FGFR2: variants seen among roughly 807,000 people sequenced by gnomAD.
The protein encoded by FGFR2 is BEK fibroblast growth factor receptor.
Under a neutral mutation model 95.9 loss-of-function variants are expected in FGFR2, and 19 were observed. That is an observed-to-expected ratio of 0.20 (90% CI 0.14 to 0.29). The LOEUF (loss-of-function observed/expected upper bound fraction) is 0.29. FGFR2 is among the 10% of genes least tolerant of loss of function. The pLI, the probability that FGFR2 is intolerant of heterozygous loss-of-function variation, is 1.00. For synonymous variants in FGFR2, 392 were observed against 393.3 expected (o/e 1.00, Z 0.04); for missense variants, 707 against 1,056.9 (o/e 0.67, Z 4.59).
In FGFR2 at chr10:121,584,983, A is replaced by C. The variant is rs1861611363; in HGVS notation, c.109+8726T>G. On this transcript the variant is annotated intron_variant, in intron 2 of 17. Coordinates refer to ENST00000358487, the MANE Select transcript of FGFR2 (RefSeq NM_000141.5). ...CCCTCTCCATCCCGCACCCCACCCC[A>C]ACCGATTCCATAACCCCTCTCCAAT... Among the ~76,000 whole-genome samples the C allele has an allele frequency of 1.6e-5, 2 of 124,546 alleles. 1 individual carries two copies. 81.7% of individuals were successfully genotyped at this position (124,546 alleles called of 152,430 possible).
In FGFR2 at chr10:121,488,111, A is replaced by G. The variant is rs369637667; in HGVS notation, c.1866T>C (p.Cys622=). The change falls in exon 14 of 18, where the codon TGT becomes TGC. Residue 622 remains cysteine (C), a splice_region_variant and synonymous_variant. Transcript: ENST00000358487. The stretch of plus-strand genomic sequence containing the variant: ...TTCTGGCTGCTAAATCTCGATGAAT[A>G]CACTGAAATCAAGAAAGAAGCAAGA... ...RGMEYLASQK[C]IHRDLAARNV... 4.3e-6 allele frequency: 7 copies of G among 1,614,014 alleles called. No individual in the cohort carries two copies. The highest frequency in any genetic ancestry group is 3.3e-5 in the South Asian group (3 of 91,094).
chr10:121,557,671 T>A (rs11814493), intron 4 of FGFR2, among the ~76,000 whole-genome samples: 2 of 152,068 alleles, frequency 1.3e-5, no homozygotes, highest in African/African-American at 4.8e-5. Context: ...AAAGCCTGTG[T>A]GGGTTTTTTG....
intron 9 of FGFR2, among the ~76,000 whole-genome samples, chr10:121,504,184 C>G (rs756398605): frequency 5.3e-5 from 8 of 152,196 alleles, no homozygotes; most frequent in Non-Finnish European, 1.0e-4. Flanking sequence ...TTTTTCTATA[C>G]CATCTGATCA....
At chr10:121,582,116 G>A (rs760823557) in intron 2 of FGFR2, among the ~76,000 whole-genome samples, 1 of 151,936 alleles carries the variant, frequency 6.6e-6, no homozygotes, top group Non-Finnish European at 1.5e-5. Flanking sequence ...ATTTTTAGTA[G>A]AGACCACGTT....
chr10:121,504,727 G>A (rs1848055935), intron 9 of FGFR2, among the ~76,000 whole-genome samples: 1 of 152,294 alleles, frequency 6.6e-6, no homozygotes, highest in East Asian at 1.9e-4. Context: ...GCAGTACACA[G>A]GGCTCCACCG....
rs1262068931 is a variant in FGFR2, at chr10:121,500,847, C to T, written c.1540G>A (p.Val514Met). Residue 514 changes from valine to methionine, a missense_variant, in exon 11 of 18, where the codon GTG becomes ATG. Coordinates refer to ENST00000358487, the MANE Select transcript of FGFR2 (RefSeq NM_000141.5). ...TCACCTTTCAACATCTTCACGGCCA[C>T]GGTGACCGCCTCCTTGGGCTTGTCT... ...DKDKPKEAVT[V>M]AVKMLKDDAT... 1 of 1,614,178 alleles carries T rather than the reference C, an allele frequency of 6.2e-7. No homozygotes were observed. The highest frequency in any genetic ancestry group is 2.2e-5 in the East Asian group (1 of 44,864).
chr10:121,567,484 T>C (rs947704924), intron 2 of FGFR2, among the ~76,000 whole-genome samples: 9 of 152,362 alleles, frequency 5.9e-5, no homozygotes, highest in African/African-American at 4.8e-5. Context: ...ATGTCTACTA[T>C]ACAACAAGCC....
chr10:121,517,296 CAGAG>C lies in FGFR2; in HGVS notation c.1084+19_1084+22del, dbSNP rs1849808573. On this transcript the variant is annotated intron_variant, in intron 8 of 17. Coordinates refer to ENST00000358487, the MANE Select transcript of FGFR2 (RefSeq NM_000141.5). This position sits in a 1 kb window ranked among gnomAD's most constrained non-coding sequence, Gnocchi z 4.7. Reference sequence around the variant, plus strand: ...TCAACCAAGAAAAGGGAAAAAAACCCAGAGAGAAAGAACAGTATATACCTGGCAG... The same window carrying C: ...TCAACCAAGAAAAGGGAAAAAAACCCAGAAAGAACAGTATATACCTGGCAG... 4 of 1,613,912 alleles carry C rather than the reference CAGAG, an allele frequency of 2.5e-6. No homozygotes were observed. The highest frequency in any genetic ancestry group is 3.4e-6 in the Non-Finnish European group (4 of 1,179,902).
In FGFR2 at chr10:121,503,845, C is replaced by G. The variant is rs756855939; in HGVS notation, c.1384G>C (p.Gly462Arg). Reference sequence around the variant, plus strand: ...TCTGGAAGTTCATACTCGGAGACCCCTGCCAGCATGGGGGTGTCTGCCGTT... The same window carrying G: ...TCTGGAAGTTCATACTCGGAGACCCGTGCCAGCATGGGGGTGTCTGCCGTT... ...SSTADTPMLA[G>R]VSEYELPEDP... The change falls in exon 10 of 18, where the codon GGG becomes CGG. Residue 462 changes from glycine to arginine, a missense_variant. By Grantham distance (125) the Gly-to-Arg change is moderately radical. Around this residue, in one of 7 missense-constraint regions of FGFR2, gnomAD observed 194 missense variants for 267.3 expected, o/e 0.73. Transcript: ENST00000358487. 3.1e-6 allele frequency: 5 copies of G among 1,614,178 alleles called. No homozygotes were observed. The South Asian group carries it at 5.5e-5, about 18-fold the overall frequency.
At chr10:121,562,088 A>C (rs1857065368) in intron 4 of FGFR2, among the ~76,000 whole-genome samples, 1 of 152,208 alleles carries the variant, frequency 6.6e-6, no homozygotes, top group Non-Finnish European at 1.5e-5. Context: ...GTGGGAATAC[A>C]AAATGGTGCA....
intron 4 of FGFR2, among the ~76,000 whole-genome samples, chr10:121,555,225 T>C (rs181274216): frequency 6.6e-6 from 1 of 152,066 alleles, no homozygotes; most frequent in Non-Finnish European, 1.5e-5. Context: ...ATGCAAAAAT[T>C]AGCTGGACAT....
At chr10:121,570,425 G>A (rs1034096996) in intron 2 of FGFR2, among the ~76,000 whole-genome samples, 1 of 152,200 alleles carries the variant, frequency 6.6e-6, no homozygotes, top group Non-Finnish European at 1.5e-5. Context: ...CACCCCCCAT[G>A]GATGGACAAC....
intron 7 of FGFR2, among the ~76,000 whole-genome samples, chr10:121,519,036 G>A (rs756613293): frequency 2.0e-5 from 3 of 152,324 alleles, no homozygotes; most frequent in South Asian, 4.1e-4. Flanking sequence ...GGGTGTGAGC[G>A]ATAGCTAACT....
intron 9 of FGFR2, among the ~76,000 whole-genome samples, chr10:121,509,469 A>G (rs1435528438): frequency 1.2e-5 from 1 of 80,862 alleles, no homozygotes; most frequent in Admixed American, 1.1e-4. Context: ...AAACAGTGTT[A>G]TCTGTTTCTT....
At chr10:121,532,597 TCCGCCGTG>T (rs1357739761) in intron 6 of FGFR2, among the ~76,000 whole-genome samples, 1 of 152,162 alleles carries the variant, frequency 6.6e-6, no homozygotes, top group Non-Finnish European at 1.5e-5. Context: ...TTTGAGGGAC[TCCGCCGTG>T]CCTCCGTCCC....
intron 2 of FGFR2, among the ~76,000 whole-genome samples, chr10:121,590,361 G>T (rs1862454732): frequency 6.6e-6 from 1 of 152,124 alleles, no homozygotes; most frequent in Non-Finnish European, 1.5e-5. Flanking sequence ...CCCTCTCAGG[G>T]TAATCAAGCT....
At position 121,515,165 on chromosome 10, in the gene FGFR2, C is replaced by T. The variant is rs147674677; in HGVS notation, c.1239G>A (p.Pro413=). The T allele has an allele frequency of 3.8e-5, 61 of 1,614,150 alleles. No homozygotes were observed. The highest frequency in any genetic ancestry group is 2.2e-4 in the East Asian group (10 of 44,876). Residue 413 remains proline, a synonymous_variant, in exon 9 of 18, where the codon CCG becomes CCA. Transcript: ENST00000358487. ...TACGTTTGGTCAGCTTGTGCACAGC[C>T]GGCTGGCTGCTGAAGTCTGGCTTCT... The part of the protein sequence containing the change: ...TTKKPDFSSQ[P]AVHKLTKRIP...
intron 13 of FGFR2, among the ~76,000 whole-genome samples, chr10:121,495,598 G>T (rs994236168): frequency 2.0e-5 from 3 of 152,180 alleles, no homozygotes; most frequent in African/African-American, 7.2e-5. Context: ...GCCATCCCTC[G>T]AATCTCTGCA....
At position 121,485,665 on chromosome 10, in the gene FGFR2, T is replaced by C; in HGVS notation, c.2058-133A>G. On this transcript the variant is annotated intron_variant, in intron 15 of 17. Coordinates refer to ENST00000358487, the MANE Select transcript of FGFR2 (RefSeq NM_000141.5). The surrounding 1 kb of genome is among the most constrained non-coding windows in gnomAD (Gnocchi z 4.2). Reference sequence around the variant, plus strand: ...AAATGGGCCCTCCTGCAGTTCCTCCTATGTGCTCTTTCCTGCCCTGCAAGA... The same window carrying C: ...AAATGGGCCCTCCTGCAGTTCCTCCCATGTGCTCTTTCCTGCCCTGCAAGA... The C allele has an allele frequency of 8.8e-7, 1 of 1,131,816 alleles. No individual in the cohort carries two copies. The highest frequency in any genetic ancestry group is 2.0e-5 in the Admixed American group (1 of 51,256). 70.1% of individuals were successfully genotyped at this position (1,131,816 alleles called of 1,614,324 possible). A position where few individuals can be genotyped will look rare whatever the true frequency, so the allele number is the denominator to read the frequency against.
Sources: allele counts gnomAD v4.1 joint callset (sites outside exome capture counted in the v4.1 genomes callset), GRCh38; gene constraint gnomAD v4.1.1; regional missense constraint gnomAD v4.1.1; non-coding constraint Gnocchi (gnomAD v3.1); transcripts MANE v1.5; gene names NCBI Gene and HGNC (gene_info 2026-07-23, HGNC 2026-07-21).